Variants in SLC43A3 observed in about 807,000 individuals in gnomAD.
SLC43A3 encodes the protein equilibrative nucleobase transporter 1.
A neutral mutation model predicts 53.3 loss-of-function variants in SLC43A3; 33 were observed. The observed-to-expected ratio is 0.62, with a 90% CI of 0.47 to 0.83. SLC43A3 has a LOEUF of 0.83. Ranked by LOEUF, SLC43A3 falls within the 40% of genes least tolerant of loss-of-function variation. The pLI is 0.00. For synonymous variants in SLC43A3, 236 were observed against 246.2 expected (o/e 0.96, Z 0.39); for missense variants, 530 against 610.0 (o/e 0.87, Z 1.38).
At chr11:57,421,469 C>A in intron 5 of SLC43A3, 96 bp from the exon 6 acceptor site, 1 of 897,124 alleles carries the variant, frequency 1.1e-6, no homozygotes, top group Non-Finnish European at 1.8e-6. Context: ...TCCCAACAAT[C>A]CTGGTATCCA....
intron 8 of SLC43A3, 109 bp downstream of exon 8, chr11:57,417,639 T>G: frequency 8.1e-7 from 1 of 1,242,228 alleles, no homozygotes; most frequent in Non-Finnish European, 1.1e-6. Flanking sequence ...AGCTAACAGA[T>G]GCACTGCTCC....
intron 12 of SLC43A3, 47 bp downstream of exon 12, chr11:57,409,888 T>G: frequency 6.6e-7 from 1 of 1,515,200 alleles, no homozygotes; most frequent in South Asian, 1.3e-5. Flanking sequence ...AGCTTCTCTT[T>G]GCCCCAGTGT....
At chr11:57,417,964 A>C in intron 7 of SLC43A3, 77 bp from the exon 8 acceptor site, 1 of 1,380,748 alleles carries the variant, frequency 7.2e-7, no homozygotes, top group South Asian at 1.2e-5. Flanking sequence ...AAAGGATGGA[A>C]GCAAACTAAG....
At chr11:57,424,051 C>T (rs1174001262) in intron 4 of SLC43A3, 23 bp from the exon 5 acceptor site, 1 of 1,612,242 alleles carries the variant, frequency 6.2e-7, no homozygotes, top group Non-Finnish European at 8.5e-7. Context: ...ACAGGAAAAG[C>T]AGAATATTGT....
intron 4 of SLC43A3, 106 bp from the exon 5 acceptor site, chr11:57,424,134 C>A: frequency 8.8e-7 from 1 of 1,134,314 alleles, no homozygotes; most frequent in East Asian, 2.5e-5. Flanking sequence ...CTTGACCGCA[C>A]CCTCAGCCTG....
Position 57,426,077 on chromosome 11 carries a change from T to G in SLC43A3, c.96A>C (p.Ser32=), listed in dbSNP as rs1392760683. Reference sequence around the variant, plus strand: ...CTTCATTCTTGAAGACAAACACTAGTGAAGGCCAGCCAAAGAGGACGCCAG... The same window carrying G: ...CTTCATTCTTGAAGACAAACACTAGGGAAGGCCAGCCAAAGAGGACGCCAG... ...GFAGVLFGWP[S]LVFVFKNEDY... is the part of the protein sequence containing the mutation. Residue 32 remains serine, a synonymous_variant, in exon 3 of 14, where the codon TCA becomes TCC. Transcript: ENST00000395124. 6.2e-7 allele frequency: 1 copy of G among 1,614,216 alleles called. No individual in the cohort carries two copies. The highest frequency in any genetic ancestry group is 1.6e-4 in the Middle Eastern group (1 of 6,062).
chr11:57,422,724 C>T (rs528993154), intron 5 of SLC43A3, among the ~76,000 whole-genome samples: 6 of 152,298 alleles, frequency 3.9e-5, no homozygotes, highest in African/African-American at 1.2e-4. Flanking sequence ...GTTGCTCAGA[C>T]GATTTGCAGG....
intron 11 of SLC43A3, among the ~76,000 whole-genome samples, chr11:57,411,192 C>G (rs923651642): frequency 6.6e-6 from 1 of 152,000 alleles, no homozygotes; most frequent in African/African-American, 2.4e-5. Context: ...ACAGTTTTAC[C>G]TTTGGGAAAA....
intron 7 of SLC43A3, among the ~76,000 whole-genome samples, chr11:57,418,817 G>A (rs1226856712): frequency 6.6e-6 from 1 of 151,890 alleles, no homozygotes; most frequent in Non-Finnish European, 1.5e-5. Context: ...TTGAACCCGG[G>A]AGGCGGAGGT....
rs761726078 is a variant in SLC43A3 at position 57,417,869 on chromosome 11, T to C, written c.550A>G (p.Ile184Val). 6.8e-6 allele frequency: 11 copies of C among 1,614,058 alleles called. No individual in the cohort carries two copies. The East Asian group carries it at 2.0e-4, about 29-fold the overall frequency. ...AAGATGAAGGAGGCCCTGAGGCTGATGCCTTTTTCATAAAGAAGCTGCAGA... is the reference window on the plus strand; with the variant it reads ...AAGATGAAGGAGGCCCTGAGGCTGACGCCTTTTTCATAAAGAAGCTGCAGA... Reference protein sequence around the residue: ...LIIKLLYEKGISLRASFIFIS... With the variant: ...LIIKLLYEKGVSLRASFIFIS... The change falls in exon 8 of 14, where the codon ATC becomes GTC. Residue 184 changes from isoleucine to valine, a missense_variant. Around this residue, in one of 3 missense-constraint regions of SLC43A3, gnomAD observed 376 missense variants for 386.7 expected, o/e 0.97. Coordinates refer to ENST00000395124, the MANE Select transcript of SLC43A3 (RefSeq NM_199329.3).
In SLC43A3 at chr11:57,414,671, T is replaced by C; in HGVS notation, c.1004A>G (p.Asn335Ser). Residue 335 changes from asparagine to serine, a missense_variant, in exon 11 of 14, where the codon AAT becomes AGT. Asn to Ser is a conservative substitution (Grantham distance 46, BLOSUM62 1). This residue lies in a region of SLC43A3 where 376 missense variants were observed against 386.7 expected (regional missense o/e 0.97). Coordinates refer to ENST00000395124, the MANE Select transcript of SLC43A3 (RefSeq NM_199329.3). Reference sequence around the variant, plus strand: ...TTTAAGCCGGTCCATGAGCAGGCCATTCCAGGGGGCACACAGCACTCCGAA... The same window carrying C: ...TTTAAGCCGGTCCATGAGCAGGCCACTCCAGGGGGCACACAGCACTCCGAA... ...TQFGVLCAPWNGLLMDRLKQK... is the reference protein window; with the variant it reads ...TQFGVLCAPWSGLLMDRLKQK... 1.9e-6 allele frequency: 3 copies of C among 1,614,132 alleles called. No individual in the cohort carries two copies. Among genetic ancestry groups the C allele is most frequent in the Non-Finnish European group, 1.7e-6 (2 of 1,180,012 alleles).
chr11:57,426,400 G>C (rs1201930340), intron 2 of SLC43A3, 48 bp from the exon 3 acceptor site: 2 of 563,074 alleles, frequency 3.6e-6, no homozygotes, highest in South Asian at 2.4e-5. Context: ...CTGCGGGAAA[G>C]GGAAAGGTAG....
In SLC43A3 at chr11:57,426,903, T is replaced by A. The variant is rs1590717086; in HGVS notation, c.-246+159A>T. The A allele has an allele frequency of 2.0e-5, 3 of 152,326 alleles. No homozygotes were observed. In the East Asian group the frequency reaches 5.8e-4, roughly 30 times the overall value. 9.4% of individuals were successfully genotyped at this position (152,326 alleles called of 1,614,324 possible). On this transcript the variant is annotated intron_variant, in intron 1 of 13. Transcript: ENST00000395124. ...TCGCAAACCTGGTCCCCGCCGCCCTTCCTCGCATCAACTTCTACCAGGAAA... is the reference window on the plus strand; with the variant it reads ...TCGCAAACCTGGTCCCCGCCGCCCTACCTCGCATCAACTTCTACCAGGAAA...
rs1329446614 is a variant in SLC43A3, at chr11:57,426,201, C to A, written c.-29G>T. On this transcript the variant is annotated 5_prime_UTR_variant, in exon 3 of 14. Transcript: ENST00000395124. ...CAGAAGTGGAGTGGATCTTCAAATC[C>A]CACTTTGTCCTCCTGGACGGATCAC... 6.2e-7 allele frequency: 1 copy of A among 1,609,676 alleles called. No homozygotes were observed. Among genetic ancestry groups the A allele is most frequent in the Admixed American group, 1.7e-5 (1 of 59,944 alleles).
intron 4 of SLC43A3, among the ~76,000 whole-genome samples, chr11:57,424,667 G>C (rs968085242): frequency 6.6e-6 from 1 of 152,132 alleles, no homozygotes; most frequent in African/African-American, 2.4e-5. Context: ...GACAAAGGAA[G>C]GGGAGGAAAG....
In SLC43A3 at chr11:57,414,614, C is replaced by T. The variant is rs1942633263; in HGVS notation, c.1060+1G>A. The T allele has an allele frequency of 1.2e-6, 2 of 1,603,054 alleles. No homozygotes were observed. The highest frequency in any genetic ancestry group is 1.3e-5 in the African/African-American group (1 of 74,768). ...AGCCCCTGCCCTCCCCCGCATCTCA[C>T]CTGTCTTTCTTGCTTCCTTCTGGTA... On this transcript the variant is annotated splice_donor_variant, in intron 11 of 13. Coordinates refer to ENST00000395124, the MANE Select transcript of SLC43A3 (RefSeq NM_199329.3). LOFTEE classifies it high-confidence loss of function.
At chr11:57,416,179 G>A (rs1942707812) in intron 9 of SLC43A3, among the ~76,000 whole-genome samples, 1 of 152,154 alleles carries the variant, frequency 6.6e-6, no homozygotes, top group Non-Finnish European at 1.5e-5. Flanking sequence ...AGAACAGAGA[G>A]GAAGGAAAGG....
chr11:57,409,516 C>G (rs1345817265), intron 12 of SLC43A3, among the ~76,000 whole-genome samples: 1 of 152,218 alleles, frequency 6.6e-6, no homozygotes, highest in Non-Finnish European at 1.5e-5. Flanking sequence ...GAAAAACAGA[C>G]AGGACCCTCA....
intron 9 of SLC43A3, among the ~76,000 whole-genome samples, chr11:57,415,838 C>T (rs1942694243): frequency 6.6e-6 from 1 of 152,180 alleles, no homozygotes; most frequent in Non-Finnish European, 1.5e-5. Flanking sequence ...CAATTTTATT[C>T]TGTATATTTA....
Sources: gnomAD v4.1 joint callset for allele counts (sites outside exome capture counted in the v4.1 genomes callset) on GRCh38, gnomAD v4.1.1 for gene constraint, gnomAD v4.1.1 regional missense constraint, MANE v1.5 for transcripts, NCBI Gene and HGNC (gene_info 2026-07-23, HGNC 2026-07-21) for gene names.